Variants in TRDN observed in about 807,000 individuals in gnomAD.
TRDN encodes triadin, also known as triadin in skeletal muscle.
A neutral mutation model predicts 149.7 loss-of-function variants in TRDN; 161 were observed. The ratio of observed to expected loss-of-function variants is 1.08; its 90% CI spans 0.95 to 1.23. The LOEUF (loss-of-function observed/expected upper bound fraction) is 1.23. Among genes scored for constraint, TRDN ranks in the 50% most tolerant of loss-of-function variants. The pLI, the probability that TRDN is intolerant of heterozygous loss-of-function variation, is 0.00. For missense variants in TRDN, 896 were observed against 823.5 expected (o/e 1.09, Z -1.08); for synonymous variants, 294 against 250.5 (o/e 1.17, Z -1.64).
At chr6:123,236,931 A>G (rs1412344922) in intron 38 of TRDN, among the ~76,000 whole-genome samples, 4 of 143,564 alleles carry the variant, frequency 2.8e-5, no homozygotes, top group African/African-American at 1.2e-4. Flanking sequence ...GATTTTATAT[A>G]TTAAGAAATT....
chr6:123,302,796 T>C (rs186300809), intron 24 of TRDN, among the ~76,000 whole-genome samples: 3 of 152,262 alleles, frequency 2.0e-5, no homozygotes, highest in African/African-American at 7.2e-5. Flanking sequence ...CTTAGGACTC[T>C]TGTTAAAATG....
chr6:123,504,881 T>C (rs1778848466), intron 7 of TRDN, among the ~76,000 whole-genome samples: 1 of 152,198 alleles, frequency 6.6e-6, no homozygotes. Flanking sequence ...ACAGCAACTC[T>C]ACTGCAATGT....
chr6:123,224,854 G>A (rs1490927616), intron 38 of TRDN, among the ~76,000 whole-genome samples: 2 of 151,644 alleles, frequency 1.3e-5, no homozygotes, highest in Non-Finnish European at 2.9e-5. Context: ...ATGATTTTAT[G>A]AATCTGACAC....
At chr6:123,329,660 AAAG>A (rs962143789) in intron 23 of TRDN, among the ~76,000 whole-genome samples, 43 of 152,240 alleles carry the variant, frequency 2.8e-4, no homozygotes, top group Admixed American at 2.3e-3. Flanking sequence ...TTGGAACAAA[AAAG>A]AAGAAGAATT....
chr6:123,389,711 C>A (rs1782036430), intron 13 of TRDN, among the ~76,000 whole-genome samples: 1 of 152,078 alleles, frequency 6.6e-6, no homozygotes, highest in Non-Finnish European at 1.5e-5. Flanking sequence ...AGTGAATTTA[C>A]AAATAAGTTA....
chr6:123,378,760 A>C (rs1781606411), intron 16 of TRDN, among the ~76,000 whole-genome samples: 1 of 152,216 alleles, frequency 6.6e-6, no homozygotes, highest in South Asian at 2.1e-4. Flanking sequence ...TTAAGACACT[A>C]AAATAGAAAA....
chr6:123,333,950 TG>T (rs1299751487), intron 22 of TRDN, among the ~76,000 whole-genome samples: 1 of 152,040 alleles, frequency 6.6e-6, no homozygotes, highest in African/African-American at 2.4e-5. Flanking sequence ...TCAAAATTAT[TG>T]AGGCACGAAC....
rs537887196 is a variant in TRDN at position 123,217,898 on chromosome 6, T to C, written c.*703A>G. 1.3e-5 allele frequency: 2 copies of C among 152,068 alleles called. No individual in the cohort carries two copies. The highest frequency in any genetic ancestry group is 4.8e-5 in the African/African-American group (2 of 41,548). The allele number at this position is 152,068 out of a possible 1,614,324, so 9.4% of individuals were successfully genotyped here. On this transcript the variant is annotated 3_prime_UTR_variant, in exon 41 of 41. Coordinates refer to ENST00000334268, the MANE Select transcript of TRDN (RefSeq NM_006073.4). ...TCACCAGACCTGACTAATTGAATGG[T>C]GTATTTCCACTGGACTGAATGTCCT...
intron 23 of TRDN, among the ~76,000 whole-genome samples, chr6:123,328,581 C>T (rs1470780629): frequency 1.3e-5 from 2 of 152,070 alleles, no homozygotes; most frequent in African/African-American, 4.8e-5. Flanking sequence ...TTTGATGGCT[C>T]CAAAACTTGC....
At chr6:123,525,100 A>C (rs1443366272) in intron 5 of TRDN, among the ~76,000 whole-genome samples, 1 of 152,122 alleles carries the variant, frequency 6.6e-6, no homozygotes, top group Non-Finnish European at 1.5e-5. Flanking sequence ...ATACACTGTT[A>C]ATGGAGATGT....
chr6:123,419,313 C>G (rs1472828453), intron 12 of TRDN, among the ~76,000 whole-genome samples: 1 of 152,142 alleles, frequency 6.6e-6, no homozygotes, highest in Non-Finnish European at 1.5e-5. Context: ...AAGCAGAAGT[C>G]AGCATAGTGA....
chr6:123,342,090 T>C (rs749493761), intron 21 of TRDN, among the ~76,000 whole-genome samples: 6 of 151,988 alleles, frequency 3.9e-5, no homozygotes, highest in Non-Finnish European at 8.8e-5. Flanking sequence ...AGTATTCATA[T>C]ATACACACTT....
rs147210637 is a variant in TRDN, at chr6:123,509,145, T to C, written c.610+3158A>G. On this transcript the variant is annotated intron_variant, in intron 7 of 40. Transcript: ENST00000334268. ...GCACATATATACTTATGCATACATA[T>C]ATATACACACATATATATGTATGTT... Among the ~76,000 whole-genome samples the C allele has an allele frequency of 3.4e-3, 512 of 152,142 alleles. 2 individuals carry two copies. The highest frequency in any genetic ancestry group is 6.2e-3 in the Non-Finnish European group (420 of 68,006).
At chr6:123,373,543 T>C (rs781346842) in intron 19 of TRDN, among the ~76,000 whole-genome samples, 2 of 152,160 alleles carry the variant, frequency 1.3e-5, no homozygotes, top group Non-Finnish European at 2.9e-5. Flanking sequence ...CCTACAGTGA[T>C]TTCGGGTGTT....
At chr6:123,273,481 G>C (rs2114616803) in intron 27 of TRDN, 118 bp from the exon 28 acceptor site, 1 of 453,426 alleles carries the variant, frequency 2.2e-6, no homozygotes. Context: ...AAATAGTACT[G>C]GGTTTCTGGT....
intron 21 of TRDN, among the ~76,000 whole-genome samples, chr6:123,338,118 G>A (rs1779941672): frequency 6.6e-6 from 1 of 152,094 alleles, no homozygotes; most frequent in South Asian, 2.1e-4. Context: ...GGAGACCTTG[G>A]ATTTGAACCA....
chr6:123,231,298 T>C (rs1311337235), intron 38 of TRDN, among the ~76,000 whole-genome samples: 1 of 152,060 alleles, frequency 6.6e-6, no homozygotes, highest in Non-Finnish European at 1.5e-5. Flanking sequence ...CAATTGATAG[T>C]ATAACTGCGA....
At chr6:123,404,047 A>G (rs937122165) in intron 12 of TRDN, among the ~76,000 whole-genome samples, 4 of 152,176 alleles carry the variant, frequency 2.6e-5, no homozygotes, top group Admixed American at 6.6e-5. Flanking sequence ...TTCTCAGACC[A>G]AAAAGAACCA....
intron 23 of TRDN, among the ~76,000 whole-genome samples, chr6:123,326,284 G>A (rs1415815217): frequency 6.6e-6 from 1 of 151,980 alleles, no homozygotes; most frequent in Non-Finnish European, 1.5e-5. Flanking sequence ...CCAGCTTCCA[G>A]CTCTAGATTT....
Sources: gnomAD v4.1 joint callset for allele counts (sites outside exome capture counted in the v4.1 genomes callset) on GRCh38, gnomAD v4.1.1 for gene constraint, MANE v1.5 for transcripts, NCBI Gene and HGNC (gene_info 2026-07-23, HGNC 2026-07-21) for gene names.